Variants in L3MBTL4 observed in about 807,000 individuals in gnomAD.
L3MBTL4 encodes L3MBTL histone methyl-lysine binding protein 4, also known as lethal(3)malignant brain tumor-like protein 4.
A neutral mutation model predicts 84.5 loss-of-function variants in L3MBTL4; 70 were observed. That is an observed-to-expected ratio of 0.83 (90% CI 0.68 to 1.01). The LOEUF is 1.01. L3MBTL4 is among the 50% of genes least tolerant of loss of function. The pLI is 0.00. For missense variants in L3MBTL4, 715 were observed against 754.8 expected, an observed-to-expected ratio of 0.95 and a Z score of 0.62; for synonymous variants, 274 against 259.8, an observed-to-expected ratio of 1.05 and a Z score of -0.52.
intron 4 of L3MBTL4, among the ~76,000 whole-genome samples, chr18:6,280,114 G>T (rs1476911058): frequency 2.0e-5 from 3 of 152,136 alleles, no homozygotes; most frequent in African/African-American, 7.2e-5. Context: ...CATTCTCAAT[G>T]AATGTAAATT....
chr18:6,044,529 TAAG>T (rs2056535053), intron 16 of L3MBTL4, among the ~76,000 whole-genome samples: 1 of 152,128 alleles, frequency 6.6e-6, no homozygotes, highest in South Asian at 2.1e-4. Context: ...CCATGGTGAA[TAAG>T]AAGTAGAGGT....
intron 5 of L3MBTL4, among the ~76,000 whole-genome samples, chr18:6,262,293 C>A (rs924910386): frequency 2.0e-5 from 3 of 152,198 alleles, no homozygotes; most frequent in African/African-American, 4.8e-5. Flanking sequence ...TCCCAGCCAA[C>A]CACCTTCAAA....
At chr18:6,392,455 A>C (rs2055096596) in intron 1 of L3MBTL4, among the ~76,000 whole-genome samples, 1 of 152,240 alleles carries the variant, frequency 6.6e-6, no homozygotes, top group Non-Finnish European at 1.5e-5. Context: ...AGGCTGAGGC[A>C]GCAGAATCAT....
intron 4 of L3MBTL4, among the ~76,000 whole-genome samples, chr18:6,285,744 T>TTCA (rs1463350927): frequency 1.3e-5 from 2 of 151,828 alleles, no homozygotes; most frequent in Non-Finnish European, 2.9e-5. Context: ...CACCCTGTCT[T>TTCA]TCACCAATCA....
intron 1 of L3MBTL4, among the ~76,000 whole-genome samples, chr18:6,370,121 G>A (rs1352872658): frequency 7.5e-6 from 1 of 133,920 alleles, no homozygotes; most frequent in Non-Finnish European, 1.6e-5. Context: ...GTGACAGAGT[G>A]AGACTCGGTC....
intron 13 of L3MBTL4, among the ~76,000 whole-genome samples, chr18:6,151,209 T>C (rs2042879994): frequency 6.6e-6 from 1 of 152,182 alleles, no homozygotes; most frequent in African/African-American, 2.4e-5. Context: ...ACTGACCCAG[T>C]CCACCCACTT....
In L3MBTL4 at chr18:6,114,961, G is replaced by A. The variant is rs138970970; in HGVS notation, c.1200-21433C>T. Among the ~76,000 whole-genome samples, 546 of 152,290 alleles carry A rather than the reference G, an allele frequency of 3.6e-3. 3 individuals carry two copies. Among genetic ancestry groups the A allele is most frequent in the East Asian group, 0.02 (104 of 5,178 alleles). ...CACACAGCGGAGAGGAGAACACAGC[G>A]GAAGGGCAGCCATGGAAACCTGGTA... On this transcript the variant is annotated intron_variant, in intron 14 of 18. Transcript: ENST00000317931.
At position 5,975,493 on chromosome 18, in the gene L3MBTL4, A is replaced by T. The variant is rs1402054799; in HGVS notation, c.1445-5931T>A. ...ACCCAGGACCTGTGCTTCCATAGTG[A>T]CTTCTGCTGGAGAAGCAAGGAAATG... On this transcript the variant is annotated intron_variant, in intron 16 of 18. Coordinates refer to ENST00000317931, the MANE Select transcript of L3MBTL4 (RefSeq NM_001330559.2). Among the ~76,000 whole-genome samples, 3 of 152,172 alleles carry T rather than the reference A, an allele frequency of 2.0e-5. No individual in the cohort carries two copies. In the East Asian group the frequency reaches 5.8e-4, roughly 29 times the overall value.
At chr18:5,986,334 G>T (rs2053464147) in intron 16 of L3MBTL4, among the ~76,000 whole-genome samples, 1 of 152,188 alleles carries the variant, frequency 6.6e-6, no homozygotes, top group African/African-American at 2.4e-5. Flanking sequence ...AGAAGCCATA[G>T]AGCTAGCAAA....
chr18:6,205,496 G>A (rs1039663798), intron 12 of L3MBTL4, among the ~76,000 whole-genome samples: 1 of 152,088 alleles, frequency 6.6e-6, no homozygotes, highest in Non-Finnish European at 1.5e-5. Flanking sequence ...TGCCATGGTG[G>A]TTTGTTGCAC....
intron 16 of L3MBTL4, among the ~76,000 whole-genome samples, chr18:6,039,007 C>G (rs561934933): frequency 6.6e-6 from 1 of 151,934 alleles, no homozygotes; most frequent in Non-Finnish European, 1.5e-5. Flanking sequence ...CTTTCTTTCT[C>G]TCTCCCCCAA....
In L3MBTL4 at chr18:6,007,682, A is replaced by C. The variant is rs942644642; in HGVS notation, c.1445-38120T>G. Among the ~76,000 whole-genome samples the C allele has an allele frequency of 7.9e-5, 12 of 152,352 alleles. 1 individual carries two copies. The highest frequency in any genetic ancestry group is 7.8e-4 in the Admixed American group (12 of 15,302). ...TCACCATAGCATTGTTTGTAATAAC[A>C]GAAGACTGGAAATACCCAAACGTCC... On this transcript the variant is annotated intron_variant, in intron 16 of 18. Transcript: ENST00000317931.
intron 1 of L3MBTL4, among the ~76,000 whole-genome samples, chr18:6,357,588 A>G (rs2053502195): frequency 6.6e-6 from 1 of 152,200 alleles, no homozygotes; most frequent in Non-Finnish European, 1.5e-5. Context: ...CCAGGTTTTA[A>G]ATCACTCTCA....
At chr18:6,071,753 GAAAGA>G (rs1568066474) in intron 16 of L3MBTL4, among the ~76,000 whole-genome samples, 2 of 61,778 alleles carry the variant, frequency 3.2e-5, no homozygotes, top group African/African-American at 9.2e-5. Flanking sequence ...AGGAAAGAAA[GAAAGA>G]AAAAAAGAAA....
intron 1 of L3MBTL4, among the ~76,000 whole-genome samples, chr18:6,350,187 A>C (rs561739564): frequency 6.6e-6 from 1 of 152,322 alleles, no homozygotes; most frequent in East Asian, 1.9e-4. Context: ...CCCTCACGGC[A>C]TTGGATTTGG....
chr18:6,264,173 T>C (rs1441212838), intron 4 of L3MBTL4, 135 bp from the exon 5 acceptor site: 4 of 642,398 alleles, frequency 6.2e-6, no homozygotes, highest in South Asian at 1.9e-5. Flanking sequence ...CTAAGAAGAG[T>C]CTTCTCTCTC....
At chr18:6,254,030 T>C (rs964992937) in intron 5 of L3MBTL4, among the ~76,000 whole-genome samples, 2 of 152,228 alleles carry the variant, frequency 1.3e-5, no homozygotes, top group Non-Finnish European at 2.9e-5. Context: ...ATAGCTGTTT[T>C]TAATAGTGGA....
rs2058056415 is a variant in L3MBTL4 at position 6,080,931 on chromosome 18, C to T, written c.1394G>A (p.Cys465Tyr). ...ATCTTCTTTTCCTTTGATTTTCAAA[C>T]ACTTTGCCTGCTGTACAAGTCTGGG... ...SQPRLVQQAK[C>Y]LKIKGKEDID... Residue 465 changes from cysteine (C) to tyrosine (Y), a missense_variant, in exon 16 of 19, where the codon TGT (cysteine) becomes TAT (tyrosine). Physicochemically the swap from Cys to Tyr is radical, Grantham distance 194 (BLOSUM62 -2). Coordinates refer to ENST00000317931, the MANE Select transcript of L3MBTL4 (RefSeq NM_001330559.2). 1 of 1,606,718 alleles carries T rather than the reference C, an allele frequency of 6.2e-7. No homozygotes were observed. The highest frequency in any genetic ancestry group is 1.3e-5 in the African/African-American group (1 of 74,856).
chr18:6,314,040 AG>A (rs2050963112), intron 1 of L3MBTL4, among the ~76,000 whole-genome samples: 1 of 6,662 alleles, frequency 1.5e-4, no homozygotes, highest in African/African-American at 6.9e-4. Context: ...GGCAGATGAT[AG>A]ATAGATAGAT....
Sources: gnomAD v4.1 joint callset for allele counts (sites outside exome capture counted in the v4.1 genomes callset) on GRCh38, gnomAD v4.1.1 for gene constraint, MANE v1.5 for transcripts, NCBI Gene and HGNC (gene_info 2026-07-23, HGNC 2026-07-21) for gene names.